The following DPYSL2 variants were observed in gnomAD, a reference collection of about 807,000 sequenced individuals.
The protein encoded by DPYSL2 is dihydropyrimidinase like 2.
DPYSL2 carries 13 observed loss-of-function variants against 69.9 expected under a neutral mutation model. The ratio of observed to expected loss-of-function variants is 0.19; its 90% CI spans 0.12 to 0.30. The LOEUF (loss-of-function observed/expected upper bound fraction) is 0.30. Among genes scored for constraint, DPYSL2 ranks in the 10% least tolerant of loss-of-function variants. The probability of loss-of-function intolerance (pLI) is 1.00; values close to 1 mark genes in which losing one functional copy is unlikely to be tolerated. For missense variants in DPYSL2, 587 were observed against 918.9 expected (o/e 0.64, Z 4.67); for synonymous variants, 326 against 359.1 (o/e 0.91, Z 1.04).
At chr8:26,631,041 A>G (rs1802759305) in intron 7 of DPYSL2, among the ~76,000 whole-genome samples, 1 of 152,130 alleles carries the variant, frequency 6.6e-6, no homozygotes, top group Non-Finnish European at 1.5e-5. Flanking sequence ...TCACTCTTCA[A>G]GTTTTAGAGC....
intron 4 of DPYSL2, among the ~76,000 whole-genome samples, chr8:26,625,239 T>C (rs771751365): frequency 1.3e-5 from 2 of 152,204 alleles, no homozygotes; most frequent in Non-Finnish European, 2.9e-5. Flanking sequence ...ATTTCTCATA[T>C]ATGAGGGTCT....
At chr8:26,536,764 GAAGAGGAATCTGT>G (rs1800599183) in intron 1 of DPYSL2, among the ~76,000 whole-genome samples, 1 of 152,204 alleles carries the variant, frequency 6.6e-6, no homozygotes, top group African/African-American at 2.4e-5. Context: ...GTGTTTGAAT[GAAGAGGAATCTGT>G]AAGTAAGTCT....
intron 1 of DPYSL2, 32 bp from the exon 2 acceptor site, chr8:26,581,937 C>T (rs1192237245): frequency 2.0e-6 from 3 of 1,517,746 alleles, no homozygotes; most frequent in East Asian, 2.3e-5. Flanking sequence ...AGGTCAGTTA[C>T]GCGTTGTGAC....
rs1802870560 is a variant in DPYSL2 at position 26,634,887 on chromosome 8, G to A, written c.1113G>A (p.Gln371=). Residue 371 remains glutamine, a synonymous_variant, in exon 8 of 14, where the codon CAG becomes CAA. Coordinates refer to ENST00000521913, the MANE Select transcript of DPYSL2 (RefSeq NM_001197293.3). ...AAAGCTCTGCTGAGGTCATCGCCCA[G>A]GCACGGAAGAAGGGTGAGTGCTGTG... ...MSKSSAEVIA[Q]ARKKGTVVYG... The A allele has an allele frequency of 6.2e-7, 1 of 1,614,222 alleles. No individual in the cohort carries two copies.
At position 26,647,206 on chromosome 8, in the gene DPYSL2, C is replaced by T. The variant is rs898405515; in HGVS notation, c.1426-424C>T. Among the ~76,000 whole-genome samples, 3 of 152,176 alleles carry T rather than the reference C, an allele frequency of 2.0e-5. No individual in the cohort carries two copies. The highest frequency in any genetic ancestry group is 7.2e-5 in the African/African-American group (3 of 41,440). On this transcript the variant is annotated intron_variant, in intron 10 of 13. Transcript: ENST00000521913. This position sits in a 1 kb window ranked among gnomAD's most constrained non-coding sequence, Gnocchi z 5.1. ...CACCCAGTTTCCCTCATGGTTACAT[C>T]TTATATAAATGTAGAACAATATCAA...
rs1802624789 is a variant in DPYSL2 at position 26,626,719 on chromosome 8, G to A, written c.855+41G>A. The A allele has an allele frequency of 6.2e-7, 1 of 1,602,784 alleles. No homozygotes were observed. Among genetic ancestry groups the A allele is most frequent in the Admixed American group, 1.7e-5 (1 of 59,916 alleles). On this transcript the variant is annotated intron_variant, in intron 5 of 13. Transcript: ENST00000521913. This position sits in a 1 kb window ranked among gnomAD's most constrained non-coding sequence, Gnocchi z 4.3. Reference sequence around the variant, plus strand: ...TTTCGGAAGAGGCACCCTGACATTTGGTACCTTCAGGCTGTGGCCGTTTGG... The same window carrying A: ...TTTCGGAAGAGGCACCCTGACATTTAGTACCTTCAGGCTGTGGCCGTTTGG...
rs1344553773 is a variant in DPYSL2, at chr8:26,609,524, A to G, written c.629-14619A>G. 6.6e-6 allele frequency among the ~76,000 whole-genome samples: 1 copy of G among 152,166 alleles called. No homozygotes were observed. The highest frequency in any genetic ancestry group is 1.5e-5 in the Non-Finnish European group (1 of 68,028). On this transcript the variant is annotated intron_variant, in intron 3 of 13. Coordinates refer to ENST00000521913, the MANE Select transcript of DPYSL2 (RefSeq NM_001197293.3). The surrounding 1 kb of genome is among the most constrained non-coding windows in gnomAD (Gnocchi z 6.5). Reference sequence around the variant, plus strand: ...CTGTTATTTTTTTGTGATGTTCTGTACAGCCCTGTAATCTCTTATTTTTGG... The same window carrying G: ...CTGTTATTTTTTTGTGATGTTCTGTGCAGCCCTGTAATCTCTTATTTTTGG...
Position 26,562,496 on chromosome 8 carries a change from T to G in DPYSL2, c.355-19473T>G, listed in dbSNP as rs1416433713. Among the ~76,000 whole-genome samples the G allele has an allele frequency of 6.6e-6, 1 of 152,164 alleles. No individual in the cohort carries two copies. The highest frequency in any genetic ancestry group is 1.9e-4 in the East Asian group (1 of 5,184). On this transcript the variant is annotated intron_variant, in intron 1 of 13. Transcript: ENST00000521913. The surrounding 1 kb of genome is among the most constrained non-coding windows in gnomAD (Gnocchi z 4.9). ...CTGTTTGACCCTTGCACCACCACAC[T>G]ACAGCTGGAATAATATATAAAAAGT...
intron 1 of DPYSL2, among the ~76,000 whole-genome samples, chr8:26,553,544 C>T (rs1021286081): frequency 3.9e-5 from 6 of 152,140 alleles, no homozygotes; most frequent in African/African-American, 1.4e-4. Flanking sequence ...TATGTTCTTG[C>T]AAAGGACATG....
chr8:26,578,341 A>G, intron 1 of DPYSL2: 2 of 1,613,270 alleles, frequency 1.2e-6, no homozygotes, highest in East Asian at 2.2e-5. Context: ...CACCTTTTGT[A>G]GCACAGAAGG....
intron 1 of DPYSL2, among the ~76,000 whole-genome samples, chr8:26,524,615 T>A (rs997389551): frequency 6.6e-6 from 1 of 151,862 alleles, no homozygotes; most frequent in Non-Finnish European, 1.5e-5. Context: ...CTGGCCAACG[T>A]GGCAAAATCC....
At chr8:26,527,721 A>G (rs928429911) in intron 1 of DPYSL2, among the ~76,000 whole-genome samples, 2 of 152,290 alleles carry the variant, frequency 1.3e-5, no homozygotes, top group Non-Finnish European at 2.9e-5. Flanking sequence ...GAAATCATAA[A>G]GGGAAATTAA....
At chr8:26,595,813 T>C (rs1801848024) in intron 3 of DPYSL2, among the ~76,000 whole-genome samples, 1 of 152,150 alleles carries the variant, frequency 6.6e-6, no homozygotes, top group South Asian at 2.1e-4. Flanking sequence ...CTCCTTCCTC[T>C]TTTGTAGTGT....
At chr8:26,548,758 G>A (rs1002533145) in intron 1 of DPYSL2, among the ~76,000 whole-genome samples, 2 of 151,778 alleles carry the variant, frequency 1.3e-5, no homozygotes, top group African/African-American at 4.8e-5. Context: ...GCATGCCTGT[G>A]GTCCCAGCTA....
rs1801230790 is a variant in DPYSL2 at position 26,571,296 on chromosome 8, G to A, written c.355-10673G>A. Among the ~76,000 whole-genome samples, 1 of 152,188 alleles carries A rather than the reference G, an allele frequency of 6.6e-6. No homozygotes were observed. On this transcript the variant is annotated intron_variant, in intron 1 of 13. Coordinates refer to ENST00000521913, the MANE Select transcript of DPYSL2 (RefSeq NM_001197293.3). This position sits in a 1 kb window ranked among gnomAD's most constrained non-coding sequence, Gnocchi z 6.1. ...TTCAGGATGTCTGAGCTGGGGCCCA[G>A]GGTGATTCTGATGGAGGGGAGTACT...
intron 7 of DPYSL2, among the ~76,000 whole-genome samples, chr8:26,631,304 G>A (rs915679213): frequency 1.1e-4 from 17 of 152,166 alleles, no homozygotes; most frequent in Non-Finnish European, 2.4e-4. Context: ...TAATCATGGT[G>A]GAAGGTGAAG....
chr8:26,608,183 C>G (rs774372958), intron 3 of DPYSL2, among the ~76,000 whole-genome samples: 65 of 151,498 alleles, frequency 4.3e-4, no homozygotes, highest in Non-Finnish European at 8.5e-4. Context: ...TGATTTGATA[C>G]TTTTTTAAAA....
At chr8:26,599,878 C>T (rs1801952778) in intron 3 of DPYSL2, among the ~76,000 whole-genome samples, 1 of 152,034 alleles carries the variant, frequency 6.6e-6, no homozygotes, top group African/African-American at 2.4e-5. Context: ...TTCTTACCAC[C>T]CCAAAAAGAA....
intron 1 of DPYSL2, chr8:26,578,630 C>A: frequency 8.5e-7 from 1 of 1,170,748 alleles, no homozygotes; most frequent in Non-Finnish European, 1.1e-6. Flanking sequence ...ATTGAATATG[C>A]ATGCCTGGAG....
Sources: allele counts gnomAD v4.1 joint callset (sites outside exome capture counted in the v4.1 genomes callset), GRCh38; gene constraint gnomAD v4.1.1; non-coding constraint Gnocchi (gnomAD v3.1); transcripts MANE v1.5; gene names NCBI Gene and HGNC (gene_info 2026-07-23, HGNC 2026-07-21).